DDX17: variants seen among roughly 807,000 people sequenced by gnomAD.
DDX17 encodes probable ATP-dependent RNA helicase DDX17.
A neutral mutation model predicts 80.8 loss-of-function variants in DDX17; 10 were observed. The observed-to-expected ratio is 0.12, with a 90% confidence interval of 0.08 to 0.21. The LOEUF is 0.21. Ranked by LOEUF, DDX17 falls within the 10% of genes least tolerant of loss-of-function variation. The pLI, the probability that DDX17 is intolerant of heterozygous loss-of-function variation, is 1.00. For synonymous variants in DDX17, 339 were observed against 336.2 expected (o/e 1.01, Z -0.09); for missense variants, 586 against 957.4 (o/e 0.61, Z 5.12).
In DDX17 at chr22:38,488,050, G is replaced by A; in HGVS notation, c.1513C>T (p.Arg505Cys). The A allele has an allele frequency of 6.2e-7, 1 of 1,614,128 alleles. No homozygotes were observed. The highest frequency in any genetic ancestry group is 8.5e-7 in the Non-Finnish European group (1 of 1,180,036). The change falls in exon 12 of 13, where the codon CGT becomes TGT. Residue 505 changes from arginine to cysteine, a missense_variant. By Grantham distance (180) the Arg-to-Cys change is radical (BLOSUM62 -3). Transcript: ENST00000403230. Reference sequence around the variant, plus strand: ...GTGCTACGGGCTGTTCGGCCAATACGGTGCACATAATCCTCTGAGCTGTTT... The same window carrying A: ...GTGCTACGGGCTGTTCGGCCAATACAGTGCACATAATCCTCTGAGCTGTTT...
At chr22:38,487,194 T>C (rs997237435) in intron 12 of DDX17, among the ~76,000 whole-genome samples, 1 of 151,952 alleles carries the variant, frequency 6.6e-6, no homozygotes, top group Non-Finnish European at 1.5e-5. Context: ...GCAACCACAT[T>C]AAAACTCAGA....
At chr22:38,503,622 G>A (rs1172355866) in intron 1 of DDX17, among the ~76,000 whole-genome samples, 6 of 152,040 alleles carry the variant, frequency 3.9e-5, no homozygotes, top group African/African-American at 7.3e-5. Flanking sequence ...CTTTAAATAC[G>A]CACACTGTAC....
intron 1 of DDX17, 156 bp downstream of exon 1, chr22:38,505,795 G>T: frequency 1.0e-6 from 1 of 966,678 alleles, no homozygotes; most frequent in Non-Finnish European, 1.5e-6. Context: ...CCCCGGGGCC[G>T]AGGTCCGCGC....
intron 10 of DDX17, 36 bp downstream of exon 10, chr22:38,493,674 G>C (rs760919873): frequency 6.7e-7 from 1 of 1,500,428 alleles, no homozygotes; most frequent in Non-Finnish European, 9.3e-7. Context: ...GGCAGGGGGT[G>C]GGGAATCAAC....
chr22:38,493,546 GT>G lies in DDX17; in HGVS notation c.1387+163del. 4.8e-6 allele frequency: 3 copies of G among 622,690 alleles called. No homozygotes were observed. The South Asian group carries it at 6.0e-5, about 12-fold the overall frequency. 38.6% of individuals were successfully genotyped at this position (622,690 alleles called of 1,614,324 possible). The stretch of plus-strand genomic sequence containing the variant: ...CTACAGCTTTTGTCCTAAAACAGCA[GT>G]GCTGAGTGGCTATAACAGAGACCAC... On this transcript the variant is annotated intron_variant, in intron 10 of 12. Coordinates refer to ENST00000403230, the MANE Select transcript of DDX17 (RefSeq NM_006386.5).
In DDX17 at chr22:38,494,797, A is replaced by G. The variant is rs761470988; in HGVS notation, c.1047T>C (p.Asp349=). The G allele has an allele frequency of 6.2e-7, 1 of 1,614,146 alleles. No homozygotes were observed. Among genetic ancestry groups the G allele is most frequent in the Non-Finnish European group, 8.5e-7 (1 of 1,180,020 alleles). ...TTGCACTCCACATCAGTGTCTGCCTATCAGGCTATCAAAAAAGGAAAGGCT... is the reference window on the plus strand; with the variant it reads ...TTGCACTCCACATCAGTGTCTGCCTGTCAGGCTATCAAAAAAGGAAAGGCT... Residue 349 remains aspartate, a synonymous_variant, in exon 8 of 13, where the codon GAT becomes GAC. Coordinates refer to ENST00000403230, the MANE Select transcript of DDX17 (RefSeq NM_006386.5).
intron 2 of DDX17, 112 bp downstream of exon 2, chr22:38,501,008 AAGAAAAATAT>A: frequency 7.6e-7 from 1 of 1,311,000 alleles, no homozygotes; most frequent in East Asian, 2.9e-5. Flanking sequence ...AAAATTTTTT[AAGAAAAATAT>A]CACCACACTA....
chr22:38,490,725 T>G (rs1187600583), intron 11 of DDX17: 1 of 220,456 alleles, frequency 4.5e-6, no homozygotes, highest in African/African-American at 2.4e-5. Context: ...TGGTCAGAAT[T>G]CTGCCATTTT....
intron 11 of DDX17, chr22:38,490,337 G>A (rs1229898403): frequency 4.4e-5 from 57 of 1,289,108 alleles, no homozygotes; most frequent in Non-Finnish European, 5.4e-5. Flanking sequence ...CTAATAAGGA[G>A]GGACTAAGTC....
chr22:38,491,968 T>C (rs1441939194), intron 11 of DDX17, 88 bp downstream of exon 11: 5 of 965,604 alleles, frequency 5.2e-6, no homozygotes, highest in Non-Finnish European at 7.6e-6. Flanking sequence ...ATATACAACT[T>C]TCTAAACTTG....
In DDX17 at chr22:38,489,965, G is replaced by A. The variant is rs1018366808; in HGVS notation, c.1448-1850C>T. The A allele has an allele frequency of 3.3e-5, 33 of 1,013,264 alleles. No individual in the cohort carries two copies. Among genetic ancestry groups the A allele is most frequent in the East Asian group, 9.8e-5 (1 of 10,206 alleles). The allele number at this position is 1,013,264 out of a possible 1,614,324, so 62.8% of individuals were successfully genotyped here. A position where few individuals can be genotyped will look rare whatever the true frequency, so the allele number is the denominator to read the frequency against. ...TCAATTACTACACTGGATGCGTTAA[G>A]TGTGCTTTCCTAGCAGAAAGCACCA... On this transcript the variant is annotated intron_variant, in intron 11 of 12. Transcript: ENST00000403230. This position sits in a 1 kb window ranked among gnomAD's most constrained non-coding sequence, Gnocchi z 4.6.
chr22:38,491,342 T>A (rs1046838668), intron 11 of DDX17: 58 of 152,162 alleles, frequency 3.8e-4, no homozygotes, highest in African/African-American at 1.3e-3. Context: ...TCTTTTTTTT[T>A]AAAATATAGA....
Position 38,489,538 on chromosome 22 carries a change from T to TA in DDX17, c.1448-1424dup, listed in dbSNP as rs931347780. ...GGTGATTGTAGAAAAAAATAATTAA[T>TA]AAAAAAAAATGTAAGTTACATCCAA... On this transcript the variant is annotated intron_variant, in intron 11 of 12. Transcript: ENST00000403230. The surrounding 1 kb of genome is among the most constrained non-coding windows in gnomAD (Gnocchi z 4.6). The TA allele has an allele frequency of 4.3e-5, 42 of 978,192 alleles. 1 individual carries two copies. The highest frequency in any genetic ancestry group is 3.5e-4 in the East Asian group (3 of 8,658). 60.6% of individuals were successfully genotyped at this position (978,192 alleles called of 1,614,324 possible).
intron 10 of DDX17, chr22:38,493,407 G>C (rs2089731917): frequency 3.8e-6 from 1 of 265,928 alleles, no homozygotes; most frequent in Admixed American, 5.1e-5. Flanking sequence ...GACCGGTCTT[G>C]AACTCCTGGG....
chr22:38,503,804 C>T (rs552795200), intron 1 of DDX17, among the ~76,000 whole-genome samples: 1 of 152,352 alleles, frequency 6.6e-6, no homozygotes, highest in South Asian at 2.1e-4. Context: ...ATGAACTGAC[C>T]TCACCTATTC....
intron 1 of DDX17, 55 bp from the exon 2 acceptor site, chr22:38,501,335 C>T: frequency 1.3e-6 from 2 of 1,557,606 alleles, no homozygotes; most frequent in Non-Finnish European, 1.7e-6. Flanking sequence ...ACGTATCGTA[C>T]ATGCCATAAG....
intron 11 of DDX17, chr22:38,491,855 G>T (rs921055570): frequency 4.4e-6 from 2 of 459,732 alleles, no homozygotes; most frequent in Non-Finnish European, 7.6e-6. Context: ...AAATAAAAGG[G>T]GGGTGGGGGA....
chr22:38,499,354 T>G, intron 3 of DDX17, 46 bp downstream of exon 3: 2 of 1,483,442 alleles, frequency 1.3e-6, no homozygotes, highest in South Asian at 1.1e-5. Flanking sequence ...TGTCTCCCAT[T>G]CAACCCAATT....
At position 38,484,259 on chromosome 22, in the gene DDX17, AAG is replaced by A. The variant is rs1249611902; in HGVS notation, c.*1674_*1675del. On this transcript the variant is annotated 3_prime_UTR_variant, in exon 13 of 13. Coordinates refer to ENST00000403230, the MANE Select transcript of DDX17 (RefSeq NM_006386.5). ...TTCTGTAAGATGGGGGGGGGACAAAAAGAGAAGTAAAGTTAAGAAGAAAGTGG... is the reference window on the plus strand; with the variant it reads ...TTCTGTAAGATGGGGGGGGGACAAAAAGAAGTAAAGTTAAGAAGAAAGTGG... The A allele has an allele frequency of 6.6e-6, 1 of 152,556 alleles. No individual in the cohort carries two copies. Among genetic ancestry groups the A allele is most frequent in the Non-Finnish European group, 1.5e-5 (1 of 68,022 alleles). The allele number at this position is 152,556 out of a possible 1,614,324, so 9.5% of individuals were successfully genotyped here.
Sources: allele counts gnomAD v4.1 joint callset (sites outside exome capture counted in the v4.1 genomes callset), GRCh38; gene constraint gnomAD v4.1.1; non-coding constraint Gnocchi (gnomAD v3.1); transcripts MANE v1.5; gene names NCBI Gene and HGNC (gene_info 2026-07-23, HGNC 2026-07-21).